Variants in TBC1D16 observed in about 807,000 individuals in gnomAD.
TBC1D16 encodes CTD-2529O21.1.
TBC1D16 carries 58 observed loss-of-function variants against 74.7 expected under a neutral mutation model. The observed-to-expected ratio is 0.78, with a 90% CI of 0.63 to 0.97. TBC1D16 has a LOEUF of 0.97. TBC1D16 is among the 50% of genes least tolerant of loss of function. TBC1D16 has a pLI of 0.00. For missense variants in TBC1D16, 1,014 were observed against 1,079.5 expected, an observed-to-expected ratio of 0.94 and a Z score of 0.85; for synonymous variants, 493 against 474.7, an observed-to-expected ratio of 1.04 and a Z score of -0.50.
At chr17:80,033,960 C>T (rs921993187) in intron 1 of TBC1D16, among the ~76,000 whole-genome samples, 5 of 152,184 alleles carry the variant, frequency 3.3e-5, no homozygotes, top group African/African-American at 1.2e-4. Flanking sequence ...CAACGGTTTT[C>T]TGGAGCTGGG....
In TBC1D16 at chr17:80,013,612, G is replaced by A. The variant is rs1369213458; in HGVS notation, c.-62-3C>T. 7.0e-7 allele frequency: 1 copy of A among 1,427,850 alleles called. No individual in the cohort carries two copies. Among genetic ancestry groups the A allele is most frequent in the Non-Finnish European group, 9.3e-7 (1 of 1,079,396 alleles). The allele number at this position is 1,427,850 out of a possible 1,614,324, so 88.4% of individuals were successfully genotyped here. The stretch of plus-strand genomic sequence containing the variant: ...GGGCAGGGCTCGTCAAGACCTGCCT[G>A]GGGGAGGAAGAGAGAGGAGATGGTC... On this transcript the variant is annotated splice_polypyrimidine_tract_variant and splice_region_variant and intron_variant, in intron 1 of 11. Transcript: ENST00000310924.
rs559517523 is a variant in TBC1D16 at position 79,952,813 on chromosome 17, G to A, written c.785C>T (p.Pro262Leu). The A allele has an allele frequency of 7.5e-6, 12 of 1,606,966 alleles. No individual in the cohort carries two copies. Among genetic ancestry groups the A allele is most frequent in the Admixed American group, 6.7e-5 (4 of 59,714 alleles). ...SVFLESDSSP[P>L]SSSDAGLRFP... is the part of the protein sequence containing the mutation. The stretch of plus-strand genomic sequence containing the variant: ...CCGCAGGCCGGCGTCGGAGCTGGAC[G>A]GGGGGCTGGTGGAACAGGTTATGTG... The change falls in exon 4 of 12, where the codon CCG becomes CTG. Residue 262 changes from proline (P) to leucine (L), a missense_variant. By Grantham distance (98) the Pro-to-Leu change is moderately conservative (BLOSUM62 -3). Transcript: ENST00000310924.
In TBC1D16 at chr17:79,956,522, G is replaced by A. The variant is rs920052605; in HGVS notation, c.780-3704C>T. 6.6e-6 allele frequency among the ~76,000 whole-genome samples: 1 copy of A among 152,138 alleles called. No individual in the cohort carries two copies. The highest frequency in any genetic ancestry group is 1.5e-5 in the Non-Finnish European group (1 of 68,026). The stretch of plus-strand genomic sequence containing the variant: ...GTCTGCCTTGGCCTCCCAAAGTGCT[G>A]GGACTACAGGCGTGAGCCACCACGC... On this transcript the variant is annotated intron_variant, in intron 3 of 11. Transcript: ENST00000310924. This position sits in a 1 kb window ranked among gnomAD's most constrained non-coding sequence, Gnocchi z 4.0.
In TBC1D16 at chr17:79,993,815, G is replaced by C. The variant is rs946339158; in HGVS notation, c.779+16345C>G. On this transcript the variant is annotated intron_variant, in intron 3 of 11. Transcript: ENST00000310924. This position sits in a 1 kb window ranked among gnomAD's most constrained non-coding sequence, Gnocchi z 5.1. ...TGTTGATGCAAGAGCTGGGGCTCGGGAGCCTCCCAAGGGCAGCTCTGTGTA... is the reference window on the plus strand; with the variant it reads ...TGTTGATGCAAGAGCTGGGGCTCGGCAGCCTCCCAAGGGCAGCTCTGTGTA... Among the ~76,000 whole-genome samples the C allele has an allele frequency of 6.6e-6, 1 of 152,062 alleles. No homozygotes were observed. The highest frequency in any genetic ancestry group is 1.5e-5 in the Non-Finnish European group (1 of 68,000).
intron 4 of TBC1D16, 79 bp downstream of exon 4, chr17:79,952,578 G>T: frequency 6.6e-7 from 1 of 1,507,226 alleles, no homozygotes; most frequent in Non-Finnish European, 9.0e-7. Context: ...GCCGTGCACT[G>T]CACCGGCTGC....
chr17:79,970,813 A>AT (rs1243845966), intron 3 of TBC1D16, among the ~76,000 whole-genome samples: 1 of 143,718 alleles, frequency 7.0e-6, no homozygotes, highest in African/African-American at 2.6e-5. Flanking sequence ...AGCACATCAG[A>AT]GAAAGCACCA....
intron 3 of TBC1D16, among the ~76,000 whole-genome samples, chr17:79,973,794 A>G (rs2083905): frequency 0.58 from 87,720 of 151,784 alleles, 26,274 homozygotes; most frequent in African/African-American, 0.75. Context: ...TTGGGAGGCT[A>G]CAGTGAGCCA....
At position 79,949,849 on chromosome 17, in the gene TBC1D16, C is replaced by T. The variant is rs1301737067; in HGVS notation, c.1274G>A (p.Gly425Asp). The change falls in exon 7 of 12, where the codon GGT (glycine) becomes GAT (aspartate). Residue 425 changes from glycine to aspartate, a missense_variant. Gly to Asp is a moderately conservative substitution (Grantham distance 94). Coordinates refer to ENST00000310924, the MANE Select transcript of TBC1D16 (RefSeq NM_019020.4). The stretch of plus-strand genomic sequence containing the variant: ...CTCCCCGCGGATTGACACATCAATA[C>T]CGCCAAAGAAAATGGCCTGGAGGAA... ...YKLRKAIFFG[G>D]IDVSIRGEVW... 1.2e-6 allele frequency: 2 copies of T among 1,613,192 alleles called. No individual in the cohort carries two copies. Among genetic ancestry groups the T allele is most frequent in the African/African-American group, 1.3e-5 (1 of 74,906 alleles).
At position 79,947,845 on chromosome 17, in the gene TBC1D16, G is replaced by A. The variant is rs746141119; in HGVS notation, c.1542-14C>T. 1.2e-6 allele frequency: 2 copies of A among 1,610,464 alleles called. No individual in the cohort carries two copies. The highest frequency in any genetic ancestry group is 1.7e-5 in the Admixed American group (1 of 59,924). On this transcript the variant is annotated splice_polypyrimidine_tract_variant and intron_variant, in intron 8 of 11. Coordinates refer to ENST00000310924, the MANE Select transcript of TBC1D16 (RefSeq NM_019020.4). ...AGCAGGATCCTCCTGGGAGGCGGTG[G>A]AGACAGCAGTGGGTGGGGATGACCC... is the stretch of plus-strand genomic sequence containing the variant.
In TBC1D16 at chr17:79,944,955, C is replaced by T. The variant is rs939369383; in HGVS notation, c.1861G>A (p.Glu621Lys). The change falls in exon 10 of 12, where the codon GAG (glutamate) becomes AAG (lysine). Residue 621 changes from glutamate (E) to lysine (K), a missense_variant. Transcript: ENST00000310924. The surrounding 1 kb of genome is among the most constrained non-coding windows in gnomAD (Gnocchi z 7.7). ...TCCCAGATCCGCAGCGCTTCGGCCT[C>T]GGGGAACTCCCGCTTGAAGCACAGA... ...LLLCFKREFP[E>K]AEALRIWEAC... The T allele has an allele frequency of 2.4e-5, 37 of 1,555,878 alleles. No homozygotes were observed. The African/African-American group carries it at 3.7e-4, about 15-fold the overall frequency.
intron 1 of TBC1D16, among the ~76,000 whole-genome samples, chr17:80,024,545 A>AGG (rs2036453323): frequency 6.7e-6 from 1 of 148,316 alleles, no homozygotes; most frequent in Non-Finnish European, 1.5e-5. Context: ...CACACACCAT[A>AGG]TACACACACA....
chr17:79,953,761 T>A (rs1213036286), intron 3 of TBC1D16, among the ~76,000 whole-genome samples: 3 of 152,170 alleles, frequency 2.0e-5, no homozygotes, highest in Non-Finnish European at 4.4e-5. Flanking sequence ...TTTTTCTTTT[T>A]TTCTTTTTTC....
chr17:79,977,593 C>T (rs1001164465), intron 3 of TBC1D16, among the ~76,000 whole-genome samples: 4 of 152,238 alleles, frequency 2.6e-5, no homozygotes, highest in African/African-American at 7.2e-5. Flanking sequence ...TGTGAGACGG[C>T]GATGAGTTGG....
intron 1 of TBC1D16, among the ~76,000 whole-genome samples, chr17:80,034,200 C>CTT (rs35010521): frequency 0.015 from 1,799 of 120,824 alleles, 69 homozygotes; most frequent in African/African-American, 0.055. Context: ...TTTTTTTTTC[C>CTT]TTTTTTTTTT....
rs1350505294 is a variant in TBC1D16, at chr17:79,939,312, G to C, written c.*1547C>G. ...TTAGGCAGACAGACCTGGGAACTTG[G>C]AAGTACCTGCTGGACGACCTGGGTT... On this transcript the variant is annotated 3_prime_UTR_variant, in exon 12 of 12. Transcript: ENST00000310924. 1 of 152,260 alleles carries C rather than the reference G, an allele frequency of 6.6e-6. No homozygotes were observed. The highest frequency in any genetic ancestry group is 1.9e-4 in the East Asian group (1 of 5,198). The allele number at this position is 152,260 out of a possible 1,614,324, so 9.4% of individuals were successfully genotyped here. A position where few individuals can be genotyped will look rare whatever the true frequency, so the allele number is the denominator to read the frequency against.
chr17:79,976,587 T>C (rs1402669001), intron 3 of TBC1D16, among the ~76,000 whole-genome samples: 1 of 152,142 alleles, frequency 6.6e-6, no homozygotes, highest in African/African-American at 2.4e-5. Context: ...AAGACCAGCT[T>C]AGGGGATTCT....
intron 3 of TBC1D16, among the ~76,000 whole-genome samples, chr17:79,999,024 G>A (rs1007918758): frequency 2.0e-5 from 3 of 152,172 alleles, no homozygotes; most frequent in Non-Finnish European, 2.9e-5. Flanking sequence ...GGGAGGCCGA[G>A]GCGGGGGGAT....
At chr17:80,029,219 C>T (rs1041996529) in intron 1 of TBC1D16, among the ~76,000 whole-genome samples, 26 of 152,056 alleles carry the variant, frequency 1.7e-4, no homozygotes, top group African/African-American at 6.3e-4. Flanking sequence ...AGGACGAGAG[C>T]GCTTTGAGGG....
In TBC1D16 at chr17:79,950,823, C is replaced by A; in HGVS notation, c.1090-245G>T. ...CGGCCCACTGTGCCGCCGCCCCCCA[C>A]TCTCTCCAACCCCAGCCGCAAAAAC... On this transcript the variant is annotated intron_variant, in intron 5 of 11. Transcript: ENST00000310924. The surrounding 1 kb of genome is among the most constrained non-coding windows in gnomAD (Gnocchi z 4.6). 2 of 1,534,912 alleles carry A rather than the reference C, an allele frequency of 1.3e-6. No homozygotes were observed. Among genetic ancestry groups the A allele is most frequent in the Non-Finnish European group, 1.7e-6 (2 of 1,146,130 alleles).
Sources: allele counts gnomAD v4.1 joint callset (sites outside exome capture counted in the v4.1 genomes callset), GRCh38; gene constraint gnomAD v4.1.1; non-coding constraint Gnocchi (gnomAD v3.1); transcripts MANE v1.5; gene names NCBI Gene and HGNC (gene_info 2026-07-23, HGNC 2026-07-21).